Variants in MTCL1 observed in about 807,000 individuals in gnomAD.
MTCL1 encodes microtubule cross-linking factor 1.
In MTCL1, 79 loss-of-function variants were observed where a neutral mutation model predicts 141.4. The observed-to-expected ratio is 0.56, with a 90% CI of 0.47 to 0.67. MTCL1 has a LOEUF of 0.67. Ranked by LOEUF, MTCL1 falls within the 30% of genes least tolerant of loss-of-function variation. The pLI is 0.00. For missense variants in MTCL1, 2,177 were observed against 2,113.9 expected (o/e 1.03, Z -0.59); for synonymous variants, 914 against 875.8 (o/e 1.04, Z -0.77).
At chr18:8,725,139 G>A (rs910104243) in intron 4 of MTCL1, among the ~76,000 whole-genome samples, 9 of 151,702 alleles carry the variant, frequency 5.9e-5, no homozygotes, top group South Asian at 2.1e-4. Context: ...GTTCTATTAC[G>A]TGCTAGACAC....
At chr18:8,769,886 G>T (rs1001052281) in intron 4 of MTCL1, among the ~76,000 whole-genome samples, 1 of 152,192 alleles carries the variant, frequency 6.6e-6, no homozygotes, top group African/African-American at 2.4e-5. Context: ...GAATTCTGCT[G>T]TCTGCAGCCT....
chr18:8,747,733 A>G (rs1218800373), intron 4 of MTCL1, among the ~76,000 whole-genome samples: 1 of 152,244 alleles, frequency 6.6e-6, no homozygotes, highest in Non-Finnish European at 1.5e-5. Flanking sequence ...ACAGGAAAAC[A>G]GAGAAGCTGA....
intron 10 of MTCL1, among the ~76,000 whole-genome samples, chr18:8,801,501 C>T (rs778639395): frequency 2.6e-5 from 4 of 152,194 alleles, no homozygotes; most frequent in Middle Eastern, 3.4e-3. Context: ...TTATCTTTGC[C>T]GTGTACTTGT....
intron 4 of MTCL1, among the ~76,000 whole-genome samples, chr18:8,769,708 T>C (rs925403013): frequency 6.6e-6 from 1 of 152,218 alleles, no homozygotes; most frequent in Admixed American, 6.5e-5. Context: ...CTTTGGGGCC[T>C]TCCCAAACTC....
intron 4 of MTCL1, among the ~76,000 whole-genome samples, chr18:8,760,893 A>G (rs1163540135): frequency 6.6e-6 from 1 of 152,248 alleles, no homozygotes; most frequent in East Asian, 1.9e-4. Context: ...TTGAGAAATG[A>G]TGACTTCTTA....
At chr18:8,726,428 T>G (rs551913378) in intron 4 of MTCL1, among the ~76,000 whole-genome samples, 1 of 151,522 alleles carries the variant, frequency 6.6e-6, no homozygotes, top group African/African-American at 2.4e-5. Flanking sequence ...GCTGCCTTCT[T>G]GCTGTGTTTT....
intron 7 of MTCL1, among the ~76,000 whole-genome samples, chr18:8,790,886 G>A (rs975664384): frequency 2.0e-5 from 3 of 152,118 alleles, no homozygotes; most frequent in African/African-American, 4.8e-5. Flanking sequence ...GTCATGGTGG[G>A]TACCTATAAT....
intron 4 of MTCL1, among the ~76,000 whole-genome samples, chr18:8,764,681 G>A (rs998019699): frequency 1.3e-5 from 2 of 152,126 alleles, no homozygotes; most frequent in Non-Finnish European, 2.9e-5. Context: ...GATATGCCTG[G>A]ATTTGGATGT....
chr18:8,795,896 A>C (rs951072896), intron 8 of MTCL1, among the ~76,000 whole-genome samples: 5 of 152,196 alleles, frequency 3.3e-5, no homozygotes, highest in Admixed American at 3.3e-4. Context: ...ATCTGCTTAC[A>C]CCGGATTCAA....
chr18:8,767,619 A>T (rs1489588279), intron 4 of MTCL1, among the ~76,000 whole-genome samples: 1 of 152,134 alleles, frequency 6.6e-6, no homozygotes, highest in African/African-American at 2.4e-5. Context: ...TTTCTGTCTG[A>T]CTTGAGTACC....
In MTCL1 at chr18:8,707,458, A is replaced by T. The variant is rs2096064538; in HGVS notation, c.1053+745A>T. 3 of 152,750 alleles carry T rather than the reference A, an allele frequency of 2.0e-5. No individual in the cohort carries two copies. The South Asian group carries it at 6.2e-4, about 32-fold the overall frequency. The allele number at this position is 152,750 out of a possible 1,614,324, so 9.5% of individuals were successfully genotyped here. A position where few individuals can be genotyped will look rare whatever the true frequency, so the allele number is the denominator to read the frequency against. The stretch of plus-strand genomic sequence containing the variant: ...GTATTTTCCGGCAGGGCCTGCGGGC[A>T]GTGGCGTCTTAGTCGCCTTAGCACT... On this transcript the variant is annotated intron_variant, in intron 1 of 13. Transcript: ENST00000306329.
chr18:8,798,545 A>C (rs1483186034), intron 10 of MTCL1, among the ~76,000 whole-genome samples: 1 of 152,212 alleles, frequency 6.6e-6, no homozygotes. Context: ...GTAAGGGCAG[A>C]TCAATGCTGC....
intron 4 of MTCL1, among the ~76,000 whole-genome samples, chr18:8,734,100 C>G (rs1456134837): frequency 2.0e-5 from 3 of 152,026 alleles, no homozygotes; most frequent in Non-Finnish European, 4.4e-5. Flanking sequence ...AGCAGGGTTT[C>G]TCTGCTGTCG....
intron 4 of MTCL1, among the ~76,000 whole-genome samples, chr18:8,732,660 C>A (rs188534965): frequency 2.6e-5 from 4 of 152,256 alleles, no homozygotes; most frequent in Non-Finnish European, 5.9e-5. Flanking sequence ...CATAGTTACA[C>A]AGCCCAACTG....
At chr18:8,823,822 T>C (rs1213555094) in intron 14 of MTCL1, among the ~76,000 whole-genome samples, 1 of 152,166 alleles carries the variant, frequency 6.6e-6, no homozygotes, top group Non-Finnish European at 1.5e-5. Context: ...AGGGACTTGC[T>C]CAGAGCAGAC....
exon 15 of MTCL1, chr18:8,825,819 A>T: frequency 6.2e-7 from 1 of 1,614,152 alleles, no homozygotes; most frequent in Non-Finnish European, 8.5e-7. Flanking sequence ...CCCCGTGCAC[A>T]CCACCATTAA....
intron 10 of MTCL1, among the ~76,000 whole-genome samples, chr18:8,799,050 G>A (rs1465238302): frequency 6.6e-6 from 1 of 152,164 alleles, no homozygotes; most frequent in East Asian, 1.9e-4. Context: ...ACAGCTGGAT[G>A]CCCCTGCCCT....
intron 4 of MTCL1, among the ~76,000 whole-genome samples, chr18:8,745,962 A>G (rs1171635657): frequency 1.3e-5 from 2 of 152,226 alleles, no homozygotes; most frequent in Admixed American, 6.5e-5. Context: ...TATTCTGTGT[A>G]CCTCATATAA....
At chr18:8,792,008 A>G (rs1477982148) in intron 7 of MTCL1, among the ~76,000 whole-genome samples, 4 of 152,164 alleles carry the variant, frequency 2.6e-5, no homozygotes, top group Non-Finnish European at 5.9e-5. Flanking sequence ...GTTCTTGGGT[A>G]TGATCTTCAC....
Sources: gnomAD v4.1 joint callset for allele counts (sites outside exome capture counted in the v4.1 genomes callset) on GRCh38, gnomAD v4.1.1 for gene constraint, MANE v1.5 for transcripts, NCBI Gene and HGNC (gene_info 2026-07-23, HGNC 2026-07-21) for gene names.